PDS5B: variants seen among roughly 807,000 people sequenced by gnomAD.
PDS5B encodes the protein sister chromatid cohesion protein PDS5 homolog B.
A neutral mutation model predicts 184.1 loss-of-function variants in PDS5B; 51 were observed. The ratio of observed to expected loss-of-function variants is 0.28; its 90% CI spans 0.22 to 0.35. PDS5B has a LOEUF of 0.35. PDS5B is among the 10% of genes least tolerant of loss of function. PDS5B has a pLI of 1.00. For synonymous variants in PDS5B, 566 were observed against 569.2 expected (o/e 0.99, Z 0.08); for missense variants, 1,180 against 1,723.3 (o/e 0.68, Z 5.58).
At chr13:32,766,324 T>A (rs1954586619) in intron 31 of PDS5B, among the ~76,000 whole-genome samples, 1 of 152,242 alleles carries the variant, frequency 6.6e-6, no homozygotes, top group Non-Finnish European at 1.5e-5. Flanking sequence ...TTGCATCTGC[T>A]TTTACCTTTT....
intron 14 of PDS5B, among the ~76,000 whole-genome samples, chr13:32,696,045 C>T (rs890516580): frequency 2.0e-5 from 3 of 152,104 alleles, no homozygotes; most frequent in Non-Finnish European, 2.9e-5. Flanking sequence ...TGTTTCTAGA[C>T]AGCTGTTAGA....
intron 3 of PDS5B, among the ~76,000 whole-genome samples, chr13:32,653,227 G>A (rs1950415929): frequency 6.6e-6 from 1 of 152,008 alleles, no homozygotes; most frequent in African/African-American, 2.4e-5. Flanking sequence ...CTGGGAGGTG[G>A]GGGATGGAGT....
At chr13:32,640,864 G>C (rs56194166) in intron 1 of PDS5B, among the ~76,000 whole-genome samples, 65,155 of 150,984 alleles carry the variant, frequency 0.43, 14,384 homozygotes, top group African/African-American at 0.47. Context: ...ACCATCCTGG[G>C]TAACACAGTG....
At chr13:32,586,882 C>T (rs1443441830) in intron 1 of PDS5B, among the ~76,000 whole-genome samples, 2 of 116 alleles carry the variant, frequency 0.017, no homozygotes, top group East Asian at 0.083. Flanking sequence ...GCCGCAGCCT[C>T]TGGAAAATTA....
At chr13:32,716,625 A>G (rs1249547568) in intron 19 of PDS5B, among the ~76,000 whole-genome samples, 20 of 141,492 alleles carry the variant, frequency 1.4e-4, no homozygotes, top group African/African-American at 5.0e-4. Context: ...TGGGGGGGTC[A>G]GCCCCCCGCC....
At chr13:32,693,838 CTG>C (rs1375862418) in intron 13 of PDS5B, among the ~76,000 whole-genome samples, 2 of 151,530 alleles carry the variant, frequency 1.3e-5, no homozygotes, top group Non-Finnish European at 3.0e-5. Context: ...TAATTCCAGA[CTG>C]TTTACAATTT....
chr13:32,756,087 T>C (rs1316681733), intron 26 of PDS5B, 131 bp downstream of exon 26: 1 of 519,532 alleles, frequency 1.9e-6, no homozygotes, highest in African/African-American at 2.0e-5. Flanking sequence ...GTTCTTTATT[T>C]GCTCTCTTGT....
chr13:32,623,013 C>A (rs1301733964), intron 1 of PDS5B, among the ~76,000 whole-genome samples: 2 of 152,122 alleles, frequency 1.3e-5, no homozygotes, highest in African/African-American at 4.8e-5. Context: ...GTTTGGCAGG[C>A]AGGCAGGGGT....
chr13:32,732,052 C>G, intron 19 of PDS5B, 49 bp from the exon 20 acceptor site: 1 of 1,491,300 alleles, frequency 6.7e-7, no homozygotes, highest in Non-Finnish European at 9.2e-7. Flanking sequence ...TAGCAGAAGT[C>G]TTGTTGATTT....
At chr13:32,632,173 T>A (rs1394590605) in intron 1 of PDS5B, among the ~76,000 whole-genome samples, 1 of 152,124 alleles carries the variant, frequency 6.6e-6, no homozygotes, top group African/African-American at 2.4e-5. Context: ...CAATAAAAAA[T>A]ATATATTGGA....
chr13:32,719,545 C>A (rs562059067), intron 19 of PDS5B, among the ~76,000 whole-genome samples: 107 of 151,986 alleles, frequency 7.0e-4, no homozygotes, highest in Middle Eastern at 3.4e-3. Context: ...ACCCCCCACT[C>A]CCTGCCCCAC....
intron 19 of PDS5B, among the ~76,000 whole-genome samples, chr13:32,721,461 A>C (rs964396767): frequency 2.7e-5 from 4 of 149,838 alleles, no homozygotes; most frequent in Non-Finnish European, 4.4e-5. Flanking sequence ...GCGGCCGGGC[A>C]GAGGTGCTCC....
intron 1 of PDS5B, among the ~76,000 whole-genome samples, chr13:32,630,645 T>C (rs1047535430): frequency 1.3e-5 from 2 of 152,170 alleles, no homozygotes; most frequent in African/African-American, 4.8e-5. Flanking sequence ...AAGGTTAAAA[T>C]CTCTGAGCCT....
At chr13:32,613,625 C>G (rs1336723829) in intron 1 of PDS5B, among the ~76,000 whole-genome samples, 6 of 152,104 alleles carry the variant, frequency 3.9e-5, no homozygotes, top group Non-Finnish European at 8.8e-5. Context: ...TTTATATATT[C>G]TAGATACAAG....
intron 1 of PDS5B, among the ~76,000 whole-genome samples, chr13:32,591,385 G>A (rs1432211399): frequency 6.6e-6 from 1 of 152,152 alleles, no homozygotes; most frequent in African/African-American, 2.4e-5. Context: ...CCAAAGTGCT[G>A]AGATTACAGG....
chr13:32,613,973 C>T (rs960116010), intron 1 of PDS5B, among the ~76,000 whole-genome samples: 3 of 152,134 alleles, frequency 2.0e-5, no homozygotes, highest in Non-Finnish European at 2.9e-5. Context: ...TGTTCTGTCA[C>T]CGTTTGTTGA....
intron 7 of PDS5B, among the ~76,000 whole-genome samples, chr13:32,671,858 CCTT>C (rs1194147038): frequency 1.3e-5 from 2 of 152,192 alleles, no homozygotes; most frequent in African/African-American, 2.4e-5. Flanking sequence ...ATCCTTGACT[CCTT>C]CTCCGCTGAG....
At chr13:32,726,346 G>C (rs1952899536) in intron 19 of PDS5B, among the ~76,000 whole-genome samples, 1 of 152,072 alleles carries the variant, frequency 6.6e-6, no homozygotes, top group Non-Finnish European at 1.5e-5. Flanking sequence ...TATTTAACCA[G>C]TTCATTATTT....
chr13:32,686,838 A>C lies in PDS5B; in HGVS notation c.1204-296A>C, dbSNP rs1370785991. On this transcript the variant is annotated intron_variant, in intron 11 of 34. Coordinates refer to ENST00000315596, the MANE Select transcript of PDS5B (RefSeq NM_015032.4). ...GTTTTTCTCACCAATTTTAAGTCAC[A>C]GTATGTAGAGTATGATTAGCTTTTG... 3.3e-5 allele frequency among the ~76,000 whole-genome samples: 5 copies of C among 152,126 alleles called. No homozygotes were observed. The South Asian group carries it at 8.3e-4, about 25-fold the overall frequency.
Sources: allele counts gnomAD v4.1 joint callset (sites outside exome capture counted in the v4.1 genomes callset), GRCh38; gene constraint gnomAD v4.1.1; transcripts MANE v1.5; gene names NCBI Gene and HGNC (gene_info 2026-07-23, HGNC 2026-07-21).